Variants in CYP7B1 observed in about 807,000 individuals in gnomAD.
The protein encoded by CYP7B1 is cytochrome P450 7B1.
A neutral mutation model predicts 42.7 loss-of-function variants in CYP7B1; 29 were observed. The ratio of observed to expected loss-of-function variants is 0.68; its 90% CI spans 0.51 to 0.93. The LOEUF (loss-of-function observed/expected upper bound fraction) is 0.93, where lower values mean the gene tolerates loss of function less well. Ranked by LOEUF, CYP7B1 falls within the 40% of genes least tolerant of loss-of-function variation. CYP7B1 has a pLI of 0.00. For synonymous variants in CYP7B1, 235 were observed against 218.2 expected (o/e 1.08, Z -0.68); for missense variants, 655 against 600.5 (o/e 1.09, Z -0.95).
chr8:64,700,147 A>G (rs928507709), intron 1 of CYP7B1, among the ~76,000 whole-genome samples: 1 of 152,154 alleles, frequency 6.6e-6, no homozygotes, highest in Non-Finnish European at 1.5e-5. Flanking sequence ...TCAAGCACAC[A>G]TGTGCAGAGT....
intron 1 of CYP7B1, among the ~76,000 whole-genome samples, chr8:64,626,376 A>C (rs1375413361): frequency 6.6e-6 from 1 of 152,230 alleles, no homozygotes; most frequent in African/African-American, 2.4e-5. Context: ...CTGCCAGAGT[A>C]AAGCTCTTTG....
At chr8:64,661,025 G>A (rs928448971) in intron 1 of CYP7B1, among the ~76,000 whole-genome samples, 3 of 152,180 alleles carry the variant, frequency 2.0e-5, no homozygotes, top group Non-Finnish European at 4.4e-5. Flanking sequence ...TCTGAAAATC[G>A]AAGAGAAGCT....
chr8:64,626,082 T>G (rs1043838825), intron 1 of CYP7B1, among the ~76,000 whole-genome samples: 1 of 152,184 alleles, frequency 6.6e-6, no homozygotes, highest in African/African-American at 2.4e-5. Flanking sequence ...CCTTGGAGAC[T>G]TTCATGCAAT....
At position 64,760,229 on chromosome 8, in the gene CYP7B1, C is replaced by T. The variant is rs139120350; in HGVS notation, c.122+38237G>A. On this transcript the variant is annotated intron_variant, in intron 1 of 5. Transcript: ENST00000310193. ...AATTAAAGCCTTATCTTACACCATA[C>T]ACAAAAATTAACTCAAAATAGATTA... is the stretch of plus-strand genomic sequence containing the variant. Among the ~76,000 whole-genome samples, 12 of 152,148 alleles carry T rather than the reference C, an allele frequency of 7.9e-5. No homozygotes were observed. The East Asian group carries it at 2.3e-3, about 29-fold the overall frequency.
At chr8:64,671,181 C>G (rs1262641606) in intron 1 of CYP7B1, among the ~76,000 whole-genome samples, 3 of 151,878 alleles carry the variant, frequency 2.0e-5, no homozygotes, top group African/African-American at 4.8e-5. Context: ...AATGCCTCCC[C>G]CTCCATGTAT....
chr8:64,606,827 T>C (rs1805290296), intron 4 of CYP7B1, among the ~76,000 whole-genome samples: 1 of 152,140 alleles, frequency 6.6e-6, no homozygotes, highest in African/African-American at 2.4e-5. Flanking sequence ...TTATCAACAA[T>C]GGAGAGTAGA....
chr8:64,727,243 C>A (rs1469429501), intron 1 of CYP7B1, among the ~76,000 whole-genome samples: 1 of 152,180 alleles, frequency 6.6e-6, no homozygotes, highest in Non-Finnish European at 1.5e-5. Flanking sequence ...CATTTTCCTT[C>A]ATTTGAGAGC....
Position 64,797,323 on chromosome 8 carries a change from G to T in CYP7B1, c.122+1143C>A, listed in dbSNP as rs1437061434. ...CACCTCTCTTTAAAGGCATACCTAG[G>T]GGTGCATCTTAACTGGCTTGCAAAT... is the stretch of plus-strand genomic sequence containing the variant. On this transcript the variant is annotated intron_variant, in intron 1 of 5. Coordinates refer to ENST00000310193, the MANE Select transcript of CYP7B1 (RefSeq NM_004820.5). 2.6e-4 allele frequency among the ~76,000 whole-genome samples: 40 copies of T among 152,092 alleles called. 1 individual carries two copies. The highest frequency in any genetic ancestry group is 2.6e-3 in the Admixed American group (40 of 15,274).
intron 1 of CYP7B1, among the ~76,000 whole-genome samples, chr8:64,795,395 C>G (rs1027693777): frequency 2.6e-5 from 4 of 152,212 alleles, no homozygotes; most frequent in African/African-American, 9.7e-5. Flanking sequence ...CCATCAAACC[C>G]TTTCATCAGG....
intron 1 of CYP7B1, among the ~76,000 whole-genome samples, chr8:64,625,614 T>C (rs1006183306): frequency 2.0e-5 from 3 of 152,246 alleles, no homozygotes; most frequent in East Asian, 1.9e-4. Flanking sequence ...CTAATATTTA[T>C]GTTATCTGCT....
chr8:64,749,909 A>G, intron 1 of CYP7B1, among the ~76,000 whole-genome samples: 1 of 152,206 alleles, frequency 6.6e-6, no homozygotes, highest in Middle Eastern at 3.2e-3. Context: ...CTAACTACAT[A>G]AAAAGTTTCT....
Position 64,751,834 on chromosome 8 carries a change from C to T in CYP7B1, c.122+46632G>A, listed in dbSNP as rs1443327036. On this transcript the variant is annotated intron_variant, in intron 1 of 5. Coordinates refer to ENST00000310193, the MANE Select transcript of CYP7B1 (RefSeq NM_004820.5). ...ATTTTGCTTTGAATACTGCCTTCAA[C>T]AGACCGTAAACCTGGGCATGGTTCC... Among the ~76,000 whole-genome samples the T allele has an allele frequency of 5.3e-5, 8 of 152,290 alleles. No homozygotes were observed. In the East Asian group the frequency reaches 1.5e-3, roughly 29 times the overall value.
intron 1 of CYP7B1, among the ~76,000 whole-genome samples, chr8:64,737,328 C>A (rs903184295): frequency 6.6e-6 from 1 of 152,002 alleles, no homozygotes; most frequent in African/African-American, 2.4e-5. Flanking sequence ...TTTTGTTTTT[C>A]TTTTTAATGA....
chr8:64,781,472 C>T (rs1236297428), intron 1 of CYP7B1, among the ~76,000 whole-genome samples: 2 of 152,042 alleles, frequency 1.3e-5, no homozygotes, highest in Non-Finnish European at 1.5e-5. Context: ...TTTCTGGAGG[C>T]TCCAGGGAAA....
At chr8:64,795,701 T>C (rs1804693714) in intron 1 of CYP7B1, among the ~76,000 whole-genome samples, 1 of 152,224 alleles carries the variant, frequency 6.6e-6, no homozygotes, top group Non-Finnish European at 1.5e-5. Flanking sequence ...CATTAGTAAA[T>C]TATGTTGACT....
At chr8:64,737,355 A>T (rs1807505392) in intron 1 of CYP7B1, among the ~76,000 whole-genome samples, 1 of 152,242 alleles carries the variant, frequency 6.6e-6, no homozygotes, top group Non-Finnish European at 1.5e-5. Flanking sequence ...AGAACAAAAG[A>T]AACAGCTACA....
intron 1 of CYP7B1, among the ~76,000 whole-genome samples, chr8:64,672,311 G>A (rs1806378583): frequency 6.6e-6 from 1 of 152,090 alleles, no homozygotes; most frequent in South Asian, 2.1e-4. Context: ...GACCGATTAA[G>A]GTGTTTAAGG....
chr8:64,618,570 T>TTCTCTCTCTCTCTC lies in CYP7B1; in HGVS notation c.260-2303_260-2290dup, dbSNP rs10530120. 6.4e-3 allele frequency among the ~76,000 whole-genome samples: 934 copies of TTCTCTCTCTCTCTC among 146,330 alleles called. 12 individuals are homozygous for TTCTCTCTCTCTCTC. The highest frequency in any genetic ancestry group is 0.023 in the African/African-American group (887 of 39,338). On this transcript the variant is annotated intron_variant, in intron 2 of 5. Transcript: ENST00000310193. Reference sequence around the variant, plus strand: ...ATCATTACAAATACACACATTCATTTTCTCTCTCTCTCTCTCTCTTTCTCT... The same window carrying TTCTCTCTCTCTCTC: ...ATCATTACAAATACACACATTCATTTTCTCTCTCTCTCTCTCTCTCTCTCTCTCTCTCTTTCTCT...
chr8:64,737,495 C>G (rs551713039), intron 1 of CYP7B1, among the ~76,000 whole-genome samples: 1 of 152,280 alleles, frequency 6.6e-6, no homozygotes, highest in Non-Finnish European at 1.5e-5. Flanking sequence ...AAGCATAATC[C>G]AGCTTTTTCA....
Sources: gnomAD v4.1 joint callset for allele counts (sites outside exome capture counted in the v4.1 genomes callset) on GRCh38, gnomAD v4.1.1 for gene constraint, MANE v1.5 for transcripts, NCBI Gene and HGNC (gene_info 2026-07-23, HGNC 2026-07-21) for gene names.